Variants in HSPBP1 observed in about 807,000 individuals in gnomAD.
HSPBP1 encodes the protein hsp70-binding protein 1.
In HSPBP1, 31 loss-of-function variants were observed where a neutral mutation model predicts 41.7. That is an observed-to-expected ratio of 0.74 (90% CI 0.56 to 1.00). The LOEUF (loss-of-function observed/expected upper bound fraction) is 1.00. HSPBP1 is among the 50% of genes least tolerant of loss of function. The probability of loss-of-function intolerance (pLI) is 0.00; values close to 1 mark genes in which losing one functional copy is unlikely to be tolerated. For missense variants in HSPBP1, 439 were observed against 487.9 expected (o/e 0.90, Z 0.94); for synonymous variants, 199 against 214.4 (o/e 0.93, Z 0.63).
intron 7 of HSPBP1, 81 bp downstream of exon 7, chr19:55,265,197 C>T: frequency 1.1e-6 from 1 of 932,682 alleles, no homozygotes; most frequent in Non-Finnish European, 1.7e-6. Context: ...ATCCCCTCCC[C>T]ACACACCTAG....
intron 4 of HSPBP1, among the ~76,000 whole-genome samples, chr19:55,271,580 A>G (rs2087924907): frequency 6.6e-6 from 1 of 151,562 alleles, no homozygotes; most frequent in Admixed American, 6.6e-5. Flanking sequence ...TTCTTCCGGA[A>G]TCTCCTCCTA....
In HSPBP1 at chr19:55,279,957, G is replaced by A. The variant is rs368361919; in HGVS notation, c.-95+78C>T. 557 of 409,328 alleles carry A rather than the reference G, an allele frequency of 1.4e-3. 5 individuals carry two copies. Among genetic ancestry groups the A allele is most frequent in the African/African-American group, 0.011 (520 of 48,344 alleles). The allele number at this position is 409,328 out of a possible 1,614,324, so 25.4% of individuals were successfully genotyped here. A position where few individuals can be genotyped will look rare whatever the true frequency, so the allele number is the denominator to read the frequency against. On this transcript the variant is annotated intron_variant, in intron 1 of 7. Coordinates refer to ENST00000433386, the MANE Select transcript of HSPBP1 (RefSeq NM_012267.5). ...CACTGCTCCGCCTCCGTAGCAACAAGCCCGCCCTTTGGTCTCCTTAGCAAC... is the reference window on the plus strand; with the variant it reads ...CACTGCTCCGCCTCCGTAGCAACAAACCCGCCCTTTGGTCTCCTTAGCAAC...
chr19:55,279,827 G>A, intron 1 of HSPBP1, 125 bp from the exon 2 acceptor site: 2 of 1,065,436 alleles, frequency 1.9e-6, no homozygotes, highest in Non-Finnish European at 1.4e-6. Flanking sequence ...CTTCCCCAAA[G>A]TCATAAGCCT....
At chr19:55,263,391 G>A (rs1471686053) in intron 7 of HSPBP1, among the ~76,000 whole-genome samples, 2 of 152,182 alleles carry the variant, frequency 1.3e-5, no homozygotes, top group African/African-American at 4.8e-5. Context: ...GTCAATGGTT[G>A]AACTTCTATG....
rs2087845281 is a variant in HSPBP1, at chr19:55,268,584, A to T, written c.641-2298T>A. Among the ~76,000 whole-genome samples the T allele has an allele frequency of 6.6e-6, 1 of 152,248 alleles. No homozygotes were observed. Among genetic ancestry groups the T allele is most frequent in the South Asian group, 2.1e-4 (1 of 4,836 alleles). Reference sequence around the variant, plus strand: ...TTTTGAAGACTTAGCATGACAAAAAATACAGTGTCTCATTAATAGTCCATA... The same window carrying T: ...TTTTGAAGACTTAGCATGACAAAAATTACAGTGTCTCATTAATAGTCCATA... On this transcript the variant is annotated intron_variant, in intron 4 of 7. Transcript: ENST00000433386. This position sits in a 1 kb window ranked among gnomAD's most constrained non-coding sequence, Gnocchi z 4.5.
At position 55,268,804 on chromosome 19, in the gene HSPBP1, G is replaced by A. The variant is rs1000619537; in HGVS notation, c.641-2518C>T. Among the ~76,000 whole-genome samples the A allele has an allele frequency of 3.2e-4, 48 of 152,184 alleles. No individual in the cohort carries two copies. The highest frequency in any genetic ancestry group is 1.1e-3 in the African/African-American group (45 of 41,518). ...ATGCCTCAACCTACCGAGTAGCCGAGATTACAGGCATGCCCCACCATGCCT... is the reference window on the plus strand; with the variant it reads ...ATGCCTCAACCTACCGAGTAGCCGAAATTACAGGCATGCCCCACCATGCCT... On this transcript the variant is annotated intron_variant, in intron 4 of 7. Coordinates refer to ENST00000433386, the MANE Select transcript of HSPBP1 (RefSeq NM_012267.5). This position sits in a 1 kb window ranked among gnomAD's most constrained non-coding sequence, Gnocchi z 4.5.
intron 7 of HSPBP1, among the ~76,000 whole-genome samples, chr19:55,264,712 AT>A (rs2087727221): frequency 1.3e-5 from 2 of 152,212 alleles, no homozygotes; most frequent in South Asian, 4.1e-4. Flanking sequence ...TAATTCAATG[AT>A]TGGGCAACAC....
intron 7 of HSPBP1, among the ~76,000 whole-genome samples, chr19:55,263,377 G>C (rs182295905): frequency 6.6e-6 from 1 of 152,216 alleles, no homozygotes; most frequent in African/African-American, 2.4e-5. Context: ...CTCATGACTG[G>C]AGTGTCAATG....
chr19:55,274,674 G>A lies in HSPBP1; in HGVS notation c.416-52C>T, dbSNP rs560819303. The A allele has an allele frequency of 1.7e-5, 26 of 1,489,892 alleles. No individual in the cohort carries two copies. The South Asian group carries it at 2.9e-4, about 17-fold the overall frequency. 92.3% of individuals were successfully genotyped at this position (1,489,892 alleles called of 1,614,324 possible). A position where few individuals can be genotyped will look rare whatever the true frequency, so the allele number is the denominator to read the frequency against. Reference sequence around the variant, plus strand: ...GGCCAGATGTTAGGGACTGAACCGTGCCCCCCAAAATGCATGGGTTGATGT... The same window carrying A: ...GGCCAGATGTTAGGGACTGAACCGTACCCCCCAAAATGCATGGGTTGATGT... On this transcript the variant is annotated intron_variant, in intron 3 of 7. Transcript: ENST00000433386.
In HSPBP1 at chr19:55,268,369, G is replaced by A. The variant is rs771120300; in HGVS notation, c.641-2083C>T. 2.3e-4 allele frequency among the ~76,000 whole-genome samples: 35 copies of A among 152,136 alleles called. No homozygotes were observed. The highest frequency in any genetic ancestry group is 4.0e-4 in the Non-Finnish European group (27 of 68,036). On this transcript the variant is annotated intron_variant, in intron 4 of 7. Coordinates refer to ENST00000433386, the MANE Select transcript of HSPBP1 (RefSeq NM_012267.5). This position sits in a 1 kb window ranked among gnomAD's most constrained non-coding sequence, Gnocchi z 4.5. ...CATTTGAACCCGGGAGGTGGAGGTTGCAGTGAGCCGAGATTGCGCCATTAC... is the reference window on the plus strand; with the variant it reads ...CATTTGAACCCGGGAGGTGGAGGTTACAGTGAGCCGAGATTGCGCCATTAC...
At chr19:55,278,582 G>A (rs924025995) in intron 2 of HSPBP1, among the ~76,000 whole-genome samples, 2 of 152,080 alleles carry the variant, frequency 1.3e-5, no homozygotes, top group Non-Finnish European at 2.9e-5. Context: ...CTTACCCAAG[G>A]TCACACAGTC....
At position 55,270,742 on chromosome 19, in the gene HSPBP1, C is replaced by A. The variant is rs1158893431; in HGVS notation, c.640+3656G>T. ...CACACCCCGTATACACACACCACATCCACACATCCCACACACGCCATGCAC... is the reference window on the plus strand; with the variant it reads ...CACACCCCGTATACACACACCACATACACACATCCCACACACGCCATGCAC... On this transcript the variant is annotated intron_variant, in intron 4 of 7. Transcript: ENST00000433386. The surrounding 1 kb of genome is among the most constrained non-coding windows in gnomAD (Gnocchi z 5.4). Among the ~76,000 whole-genome samples the A allele has an allele frequency of 6.6e-6, 1 of 150,810 alleles. No homozygotes were observed. Among genetic ancestry groups the A allele is most frequent in the African/African-American group, 2.4e-5 (1 of 40,900 alleles).
At chr19:55,265,760 C>T (rs1440365648) in intron 6 of HSPBP1, 126 bp downstream of exon 6, 1 of 646,594 alleles carries the variant, frequency 1.5e-6, no homozygotes, top group Non-Finnish European at 2.7e-6. Context: ...TTTCTGGCCC[C>T]ACACCCTTCC....
At chr19:55,273,385 A>G (rs1189759380) in intron 4 of HSPBP1, among the ~76,000 whole-genome samples, 1 of 152,210 alleles carries the variant, frequency 6.6e-6, no homozygotes, top group Non-Finnish European at 1.5e-5. Context: ...GAAAGAGTCC[A>G]GTTGGGGCGC....
At chr19:55,274,684 A>C in intron 3 of HSPBP1, 62 bp from the exon 4 acceptor site, 13 of 1,372,876 alleles carry the variant, frequency 9.5e-6, no homozygotes, top group East Asian at 2.4e-5. Context: ...GCCCCCCAAA[A>C]TGCATGGGTT....
At position 55,279,641 on chromosome 19, in the gene HSPBP1, G is replaced by C. The variant is rs766778933; in HGVS notation, c.-33C>G. On this transcript the variant is annotated 5_prime_UTR_variant, in exon 2 of 8. Coordinates refer to ENST00000433386, the MANE Select transcript of HSPBP1 (RefSeq NM_012267.5). ...TTGTGAAGAAGGGAAGAATGTGTTA[G>C]AGGGAGAAGGTGGTCACCGCTGAAG... 1 of 1,555,548 alleles carries C rather than the reference G, an allele frequency of 6.4e-7. No individual in the cohort carries two copies. Among genetic ancestry groups the C allele is most frequent in the African/African-American group, 1.4e-5 (1 of 73,468 alleles).
In HSPBP1 at chr19:55,280,032, C is replaced by T. The variant is rs983138685; in HGVS notation, c.-95+3G>A. The T allele has an allele frequency of 3.4e-5, 9 of 266,098 alleles. No homozygotes were observed. The Admixed American group carries it at 5.0e-4, about 15-fold the overall frequency. 16.5% of individuals were successfully genotyped at this position (266,098 alleles called of 1,614,324 possible). A position where few individuals can be genotyped will look rare whatever the true frequency, so the allele number is the denominator to read the frequency against. On this transcript the variant is annotated splice_donor_region_variant and intron_variant, in intron 1 of 7. Coordinates refer to ENST00000433386, the MANE Select transcript of HSPBP1 (RefSeq NM_012267.5). ...AGGGGCGCCGGAATAAGGCGGATCTCACCTCCCCGGGTCCTCAAGCCGCCG... is the reference window on the plus strand; with the variant it reads ...AGGGGCGCCGGAATAAGGCGGATCTTACCTCCCCGGGTCCTCAAGCCGCCG...
Position 55,277,802 on chromosome 19 carries a change from G to A in HSPBP1, c.255C>T (p.Gly85=), listed in dbSNP as rs1481955135. Residue 85 remains glycine, a synonymous_variant, in exon 3 of 8, where the codon GGC becomes GGT. Transcript: ENST00000433386. ...LQEAMSAAFR[G]QREEVEQMKS... is the part of the protein sequence containing the mutation. ...TCATCTGCTCCACCTCCTCCCGCTG[G>A]CCTCGGAAGGCAGCCGACATGGCCT... is the stretch of plus-strand genomic sequence containing the variant. 1 of 1,594,044 alleles carries A rather than the reference G, an allele frequency of 6.3e-7. No homozygotes were observed. Among genetic ancestry groups the A allele is most frequent in the Non-Finnish European group, 8.6e-7 (1 of 1,167,936 alleles).
At position 55,268,385 on chromosome 19, in the gene HSPBP1, G is replaced by A. The variant is rs1164844291; in HGVS notation, c.641-2099C>T. ...GTGGAGGTTGCAGTGAGCCGAGATT[G>A]CGCCATTACACTCCAGCCTGAGCAA... On this transcript the variant is annotated intron_variant, in intron 4 of 7. Transcript: ENST00000433386. The surrounding 1 kb of genome is among the most constrained non-coding windows in gnomAD (Gnocchi z 4.5). 2.0e-5 allele frequency among the ~76,000 whole-genome samples: 3 copies of A among 152,126 alleles called. No individual in the cohort carries two copies. Among genetic ancestry groups the A allele is most frequent in the Non-Finnish European group, 4.4e-5 (3 of 68,022 alleles).
Sources: gnomAD v4.1 joint callset for allele counts (sites outside exome capture counted in the v4.1 genomes callset) on GRCh38, gnomAD v4.1.1 for gene constraint, Gnocchi (gnomAD v3.1) non-coding constraint, MANE v1.5 for transcripts, NCBI Gene and HGNC (gene_info 2026-07-23, HGNC 2026-07-21) for gene names.